Variants in ARMC8 observed in about 807,000 individuals in gnomAD.
ARMC8 encodes armadillo repeat-containing protein 8.
ARMC8 carries 20 observed loss-of-function variants against 99.3 expected under a neutral mutation model. The ratio of observed to expected loss-of-function variants is 0.20; its 90% CI spans 0.14 to 0.29. ARMC8 has a LOEUF of 0.29. Ranked by LOEUF, ARMC8 falls within the 10% of genes least tolerant of loss-of-function variation. The probability of loss-of-function intolerance (pLI) is 1.00; values close to 1 mark genes in which losing one functional copy is unlikely to be tolerated. For missense variants in ARMC8, 569 were observed against 809.5 expected (o/e 0.70, Z 3.60); for synonymous variants, 263 against 278.3 (o/e 0.95, Z 0.55).
chr3:138,282,123 G>A (rs562567634), intron 18 of ARMC8, among the ~76,000 whole-genome samples: 6 of 152,300 alleles, frequency 3.9e-5, no homozygotes, highest in African/African-American at 1.4e-4. Context: ...TTTTGGTTTT[G>A]TCTTAGTAAA....
intron 8 of ARMC8, 30 bp downstream of exon 8, chr3:138,237,414 T>C (rs2046386949): frequency 1.2e-6 from 2 of 1,610,906 alleles, no homozygotes; most frequent in Non-Finnish European, 8.5e-7. Context: ...GGCACCTACA[T>C]GATTTAATTG....
Position 138,209,141 on chromosome 3 carries a change from T to C in ARMC8, c.46-676T>C, listed in dbSNP as rs1350957353. On this transcript the variant is annotated intron_variant, in intron 1 of 21. Transcript: ENST00000469044. ...TTCCCTGGCTGAGAGCCAGATTTTG[T>C]CCTTTTGTGTATACTAATTTATAGA... 5.3e-5 allele frequency among the ~76,000 whole-genome samples: 8 copies of C among 152,248 alleles called. No individual in the cohort carries two copies. In the East Asian group the frequency reaches 1.5e-3, roughly 29 times the overall value.
At chr3:138,213,071 C>T in intron 2 of ARMC8, among the ~76,000 whole-genome samples, 1 of 152,154 alleles carries the variant, frequency 6.6e-6, no homozygotes, top group Non-Finnish European at 1.5e-5. Context: ...GAGTTCAAAT[C>T]CTGCCTGGGC....
intron 15 of ARMC8, among the ~76,000 whole-genome samples, chr3:138,269,084 G>C (rs2048545260): frequency 6.6e-6 from 1 of 152,178 alleles, no homozygotes; most frequent in Admixed American, 6.5e-5. Context: ...GTACGAGAGA[G>C]ATGATAAATT....
chr3:138,292,429 G>A (rs2051050716), intron 21 of ARMC8, among the ~76,000 whole-genome samples: 2 of 152,208 alleles, frequency 1.3e-5, no homozygotes, highest in Non-Finnish European at 2.9e-5. Context: ...CCAGTTAAAG[G>A]CCATTGTAAT....
chr3:138,230,458 C>G (rs555667549), intron 6 of ARMC8, among the ~76,000 whole-genome samples: 53 of 152,092 alleles, frequency 3.5e-4, no homozygotes, highest in Non-Finnish European at 6.5e-4. Flanking sequence ...TGAGACCAGT[C>G]TGGGCAACAT....
chr3:138,208,059 G>C (rs1270027926), intron 1 of ARMC8, among the ~76,000 whole-genome samples: 1 of 149,012 alleles, frequency 6.7e-6, no homozygotes, highest in African/African-American at 2.5e-5. Context: ...CCAGGAGTTT[G>C]AGATCGGCCT....
In ARMC8 at chr3:138,289,029, TC is replaced by T; in HGVS notation, c.1822-18del. 1 of 1,603,544 alleles carries T rather than the reference TC, an allele frequency of 6.2e-7. No individual in the cohort carries two copies. Among genetic ancestry groups the T allele is most frequent in the Admixed American group, 1.7e-5 (1 of 58,910 alleles). The stretch of plus-strand genomic sequence containing the variant: ...GATTACCACCATTTTGATTTTTTTT[TC>T]TTTTTCTGTATTAATAGGGCCATTC... On this transcript the variant is annotated intron_variant, in intron 19 of 21. Transcript: ENST00000469044.
At chr3:138,223,787 C>T in intron 5 of ARMC8, 54 bp downstream of exon 5, 9 of 1,457,700 alleles carry the variant, frequency 6.2e-6, no homozygotes, top group Non-Finnish European at 8.6e-6. Context: ...CAGCCTACTC[C>T]TAATTTGCTT....
chr3:138,278,989 A>AT (rs1377679701), intron 18 of ARMC8, among the ~76,000 whole-genome samples: 3 of 152,098 alleles, frequency 2.0e-5, no homozygotes, highest in East Asian at 3.9e-4. Context: ...AAATAGCTTT[A>AT]TTTCTTACTT....
chr3:138,193,267 TTA>T (rs932062123), intron 1 of ARMC8, among the ~76,000 whole-genome samples: 2 of 147,332 alleles, frequency 1.4e-5, no homozygotes, highest in Non-Finnish European at 3.0e-5. Context: ...CCGCGCCGGC[TTA>T]TCTTATTTTT....
At chr3:138,277,542 A>AAC (rs1283330980) in intron 18 of ARMC8, among the ~76,000 whole-genome samples, 1 of 152,246 alleles carries the variant, frequency 6.6e-6, no homozygotes, top group Non-Finnish European at 1.5e-5. Flanking sequence ...GAATTCTCAA[A>AAC]ACAACAAGAA....
intron 19 of ARMC8, 135 bp from the exon 20 acceptor site, chr3:138,288,913 A>G (rs2050683991): frequency 1.5e-6 from 1 of 646,004 alleles, no homozygotes; most frequent in Non-Finnish European, 2.7e-6. Flanking sequence ...CTGGGATTAC[A>G]GGCATGAGCC....
At chr3:138,286,191 T>C (rs113357481) in intron 19 of ARMC8, among the ~76,000 whole-genome samples, 9,005 of 152,190 alleles carry the variant, frequency 0.059, 894 homozygotes, top group African/African-American at 0.2. Context: ...GATCCACCTG[T>C]CTCGGCCTCC....
rs546827830 is a variant in ARMC8, at chr3:138,233,467, A to G, written c.529-1567A>G. On this transcript the variant is annotated intron_variant, in intron 6 of 21. Transcript: ENST00000469044. Reference sequence around the variant, plus strand: ...TAAAACATTAGAAACTACCTAAAATATACAATGGGGGTTTGTATGAGCAAA... The same window carrying G: ...TAAAACATTAGAAACTACCTAAAATGTACAATGGGGGTTTGTATGAGCAAA... Among the ~76,000 whole-genome samples the G allele has an allele frequency of 1.4e-4, 22 of 152,340 alleles. 1 individual carries two copies. The South Asian group carries it at 4.1e-3, about 29-fold the overall frequency.
At chr3:138,261,504 C>G (rs2047739877) in intron 12 of ARMC8, 1 of 152,064 alleles carries the variant, frequency 6.6e-6, no homozygotes, top group African/African-American at 2.4e-5. Context: ...AGCTAGAGGT[C>G]AGGAAAGAAC....
intron 1 of ARMC8, among the ~76,000 whole-genome samples, chr3:138,205,614 C>T (rs921531046): frequency 6.6e-6 from 1 of 152,120 alleles, no homozygotes; most frequent in Admixed American, 6.6e-5. Context: ...CGTGTCTGTT[C>T]CTAAATTGCA....
At chr3:138,264,417 T>C (rs1184348234) in intron 14 of ARMC8, among the ~76,000 whole-genome samples, 11 of 134,122 alleles carry the variant, frequency 8.2e-5, no homozygotes, top group Admixed American at 3.0e-4. Flanking sequence ...TCTTTCTTTT[T>C]TTTTTTTTTT....
intron 5 of ARMC8, among the ~76,000 whole-genome samples, chr3:138,225,747 A>T (rs146961645): frequency 6.6e-6 from 1 of 152,202 alleles, no homozygotes; most frequent in Non-Finnish European, 1.5e-5. Context: ...CATATTGTCA[A>T]ATTGTACACA....
Sources: allele counts gnomAD v4.1 joint callset (sites outside exome capture counted in the v4.1 genomes callset), GRCh38; gene constraint gnomAD v4.1.1; transcripts MANE v1.5; gene names NCBI Gene and HGNC (gene_info 2026-07-23, HGNC 2026-07-21).